KRT23: variants seen among roughly 807,000 people sequenced by gnomAD.
KRT23 encodes keratin 23.
KRT23 carries 38 observed loss-of-function variants against 47.6 expected under a neutral mutation model. The ratio of observed to expected loss-of-function variants is 0.80; its 90% CI spans 0.62 to 1.05. KRT23 has a LOEUF of 1.05. Among genes scored for constraint, KRT23 ranks in the 50% least tolerant of loss-of-function variants. KRT23 has a pLI of 0.00. For synonymous variants in KRT23, 191 were observed against 199.0 expected (o/e 0.96, Z 0.34); for missense variants, 503 against 529.5 (o/e 0.95, Z 0.49).
At chr17:40,928,425 G>A in intron 5 of KRT23, 21 bp downstream of exon 5, 2 of 1,613,980 alleles carry the variant, frequency 1.2e-6, no homozygotes, top group South Asian at 1.1e-5. Flanking sequence ...CCTTTGGGAA[G>A]TTTGTGCATC....
chr17:40,931,422 T>G lies in KRT23; in HGVS notation c.430A>C (p.Ile144Leu), dbSNP rs746803327. The change falls in exon 3 of 9, where the codon ATT (isoleucine) becomes CTT (leucine). Residue 144 changes from isoleucine (I) to leucine (L), a missense_variant. Transcript: ENST00000209718. ...ATCCTGGCATTGTCAATGAGAAGAA[T>G]AATCTGAGCATTGGTCATCTTACCA... ...VDGKMTNAQI[I>L]LLIDNARMAV... 4 of 1,613,886 alleles carry G rather than the reference T, an allele frequency of 2.5e-6. No individual in the cohort carries two copies. The highest frequency in any genetic ancestry group is 1.7e-5 in the Admixed American group (1 of 60,030).
intron 3 of KRT23, 55 bp downstream of exon 3, chr17:40,931,318 C>A: frequency 7.1e-7 from 1 of 1,413,538 alleles, no homozygotes; most frequent in Non-Finnish European, 1.0e-6. Flanking sequence ...CCGAGTTTTC[C>A]TTTTGTAAAG....
chr17:40,928,206 T>C, intron 6 of KRT23, 32 bp downstream of exon 6: 1 of 1,613,084 alleles, frequency 6.2e-7, no homozygotes, highest in South Asian at 1.1e-5. Flanking sequence ...GGAGGTGGTG[T>C]GGGATTCACG....
At position 40,928,512 on chromosome 17, in the gene KRT23, C is replaced by A. The variant is rs748666009; in HGVS notation, c.732G>T (p.Met244Ile). 2 of 1,614,120 alleles carry A rather than the reference C, an allele frequency of 1.2e-6. No homozygotes were observed. Among genetic ancestry groups the A allele is most frequent in the African/African-American group, 2.7e-5 (2 of 75,046 alleles). Residue 244 changes from methionine (M) to isoleucine (I), a missense_variant, in exon 5 of 9, where the codon ATG (methionine) becomes ATT (isoleucine). Transcript: ENST00000209718. ...REDLIKVLED[M>I]RQEYELIIKK... ...TTATTATAAGCTCATATTCTTGTCT[C>A]ATATCCTCCAGGACCTTAATCAGAT...
Position 40,929,656 on chromosome 17 carries a change from T to C in KRT23, c.636+284A>G, listed in dbSNP as rs941811718. 6.3e-5 allele frequency: 22 copies of C among 346,714 alleles called. No homozygotes were observed. The South Asian group carries it at 1.4e-3, about 22-fold the overall frequency. 21.5% of individuals were successfully genotyped at this position (346,714 alleles called of 1,614,324 possible). ...GTCCAGTCTCACGCATTGATTCTTATAGTAACATTAACAAGCACATCTAGG... is the reference window on the plus strand; with the variant it reads ...GTCCAGTCTCACGCATTGATTCTTACAGTAACATTAACAAGCACATCTAGG... On this transcript the variant is annotated intron_variant, in intron 4 of 8. Transcript: ENST00000209718.
chr17:40,936,565 G>A lies in KRT23; in HGVS notation c.39C>T (p.Ala13=). 1 of 1,519,928 alleles carries A rather than the reference G, an allele frequency of 6.6e-7. No individual in the cohort carries two copies. The highest frequency in any genetic ancestry group is 8.8e-7 in the Non-Finnish European group (1 of 1,137,082). The allele number at this position is 1,519,928 out of a possible 1,614,324, so 94.2% of individuals were successfully genotyped here. Residue 13 remains alanine (A), a synonymous_variant, in exon 2 of 9, where the codon GCC becomes GCT. Coordinates refer to ENST00000209718, the MANE Select transcript of KRT23 (RefSeq NM_015515.5). ...AGCCACCTCCGGCGCCATGGAAGGAGGCCGAGGGGGTCTGGCTGAAGCTGT... is the reference window on the plus strand; with the variant it reads ...AGCCACCTCCGGCGCCATGGAAGGAAGCCGAGGGGGTCTGGCTGAAGCTGT... ...SGHSFSQTPS[A]SFHGAGGGWG...
intron 2 of KRT23, 130 bp from the exon 3 acceptor site, chr17:40,931,585 T>C: frequency 1.5e-6 from 1 of 662,264 alleles, no homozygotes; most frequent in South Asian, 1.8e-5. Flanking sequence ...GTTCTGGCAG[T>C]GGAACAATGA....
chr17:40,922,856 C>CA lies in KRT23; in HGVS notation c.*132dup. Reference sequence around the variant, plus strand: ...TATGAGAAGTCTGGTGAGACTGTTACAGAAAAAAAAAATAAAAGTTTCTGA... The same window carrying CA: ...TATGAGAAGTCTGGTGAGACTGTTACAAGAAAAAAAAAATAAAAGTTTCTGA... On this transcript the variant is annotated 3_prime_UTR_variant, in exon 9 of 9. Transcript: ENST00000209718. The CA allele has an allele frequency of 1.6e-6, 1 of 643,818 alleles. No individual in the cohort carries two copies. The highest frequency in any genetic ancestry group is 2.7e-6 in the Non-Finnish European group (1 of 367,666). The allele number at this position is 643,818 out of a possible 1,614,324, so 39.9% of individuals were successfully genotyped here.
chr17:40,927,848 T>C (rs1909327160), intron 6 of KRT23, among the ~76,000 whole-genome samples: 1 of 152,152 alleles, frequency 6.6e-6, no homozygotes, highest in Non-Finnish European at 1.5e-5. Context: ...ATAGAAATTA[T>C]GGGGGTCTAG....
chr17:40,934,645 G>A (rs1292414266), intron 2 of KRT23, among the ~76,000 whole-genome samples: 3 of 152,148 alleles, frequency 2.0e-5, no homozygotes, highest in African/African-American at 4.8e-5. Context: ...TATATGAGGT[G>A]GGCTAGGCAG....
intron 3 of KRT23, 63 bp downstream of exon 3, chr17:40,931,310 G>A (rs143005237): frequency 5.2e-5 from 68 of 1,299,046 alleles, no homozygotes; most frequent in African/African-American, 3.1e-4. Flanking sequence ...GCGCCCCGCC[G>A]AGTTTTCCTT....
intron 2 of KRT23, among the ~76,000 whole-genome samples, chr17:40,934,544 G>T (rs1909917740): frequency 6.6e-6 from 1 of 152,186 alleles, no homozygotes; most frequent in Admixed American, 6.5e-5. Context: ...CAGTTGTGAG[G>T]ATTAAATGAG....
intron 6 of KRT23, 70 bp from the exon 7 acceptor site, chr17:40,925,644 G>T: frequency 8.5e-7 from 1 of 1,173,096 alleles, no homozygotes; most frequent in Non-Finnish European, 1.2e-6. Flanking sequence ...TGATTGTTGA[G>T]TACTTAGCAG....
At chr17:40,929,513 A>T (rs967835702) in intron 4 of KRT23, among the ~76,000 whole-genome samples, 1 of 152,236 alleles carries the variant, frequency 6.6e-6, no homozygotes, top group African/African-American at 2.4e-5. Context: ...AGTCAGTTAA[A>T]TGCTTCTGGA....
chr17:40,931,559 GTACAGACAACT>G, intron 2 of KRT23, 104 bp from the exon 3 acceptor site: 1 of 790,924 alleles, frequency 1.3e-6, no homozygotes, highest in South Asian at 1.6e-5. Flanking sequence ...TGACTTGTTA[GTACAGACAACT>G]TCTTGTTCTG....
intron 2 of KRT23, 61 bp from the exon 3 acceptor site, chr17:40,931,516 G>A (rs1214915753): frequency 1.3e-5 from 15 of 1,169,966 alleles, no homozygotes; most frequent in Non-Finnish European, 1.9e-5. Context: ...ACACATGACC[G>A]CTGCATGTCT....
chr17:40,935,233 C>T (rs1015493326), intron 2 of KRT23, among the ~76,000 whole-genome samples: 2 of 151,392 alleles, frequency 1.3e-5, no homozygotes, highest in African/African-American at 2.4e-5. Context: ...ATTATCTTGA[C>T]TGGTCCTTCC....
Position 40,928,516 on chromosome 17 carries a change from T to A in KRT23, c.728A>T (p.Asp243Val). ...PREDLIKVLE[D>V]MRQEYELIIK... is the part of the protein sequence containing the mutation. ...TATAAGCTCATATTCTTGTCTCATATCCTCCAGGACCTTAATCAGATCTTC... is the reference window on the plus strand; with the variant it reads ...TATAAGCTCATATTCTTGTCTCATAACCTCCAGGACCTTAATCAGATCTTC... Residue 243 changes from aspartate to valine, a missense_variant, in exon 5 of 9, where the codon GAT becomes GTT. Transcript: ENST00000209718. 6.2e-7 allele frequency: 1 copy of A among 1,614,140 alleles called. No homozygotes were observed. Among genetic ancestry groups the A allele is most frequent in the South Asian group, 1.1e-5 (1 of 91,084 alleles).
At chr17:40,924,636 T>A (rs1006509663) in intron 7 of KRT23, 133 bp from the exon 8 acceptor site, 17 of 732,964 alleles carry the variant, frequency 2.3e-5, no homozygotes, top group Non-Finnish European at 3.9e-5. Context: ...CTGAGCTTAG[T>A]AGTCTCAAGG....
Sources: gnomAD v4.1 joint callset for allele counts (sites outside exome capture counted in the v4.1 genomes callset) on GRCh38, gnomAD v4.1.1 for gene constraint, MANE v1.5 for transcripts, NCBI Gene and HGNC (gene_info 2026-07-23, HGNC 2026-07-21) for gene names.